Variants in SUMF1 observed in about 807,000 individuals in gnomAD.
SUMF1 encodes the protein sulfatase modifying factor 1.
SUMF1 carries 48 observed loss-of-function variants against 47.6 expected under a neutral mutation model. That is an observed-to-expected ratio of 1.01 (90% confidence interval 0.80 to 1.28). The LOEUF (loss-of-function observed/expected upper bound fraction) is 1.28. Among genes scored for constraint, SUMF1 ranks in the 50% most tolerant of loss-of-function variants. The probability of loss-of-function intolerance (pLI) is 0.00; values close to 1 mark genes in which losing one functional copy is unlikely to be tolerated. For synonymous variants in SUMF1, 230 were observed against 192.1 expected, an observed-to-expected ratio of 1.20 and a Z score of -1.63; for missense variants, 571 against 485.4, an observed-to-expected ratio of 1.18 and a Z score of -1.66.
chr3:4,187,061 C>T (rs1385486), intron 8 of SUMF1, among the ~76,000 whole-genome samples: 51,344 of 151,742 alleles, frequency 0.34, 8,762 homozygotes, highest in East Asian at 0.4. Context: ...CATGTATCTT[C>T]TGAGCTGCCA....
At chr3:4,187,280 G>A (rs746438119) in intron 8 of SUMF1, among the ~76,000 whole-genome samples, 18 of 152,122 alleles carry the variant, frequency 1.2e-4, no homozygotes, top group Non-Finnish European at 2.2e-4. Context: ...AAGGTGGGAG[G>A]ACTGCTTGAG....
intron 8 of SUMF1, among the ~76,000 whole-genome samples, chr3:4,306,237 T>C (rs553552525): frequency 1.3e-5 from 2 of 152,220 alleles, no homozygotes; most frequent in African/African-American, 4.8e-5. Context: ...TGTAAAACTA[T>C]GTGCCCGACG....
At chr3:4,084,102 A>C (rs529896490) in intron 8 of SUMF1, among the ~76,000 whole-genome samples, 1 of 152,222 alleles carries the variant, frequency 6.6e-6, no homozygotes, top group African/African-American at 2.4e-5. Context: ...AGTAATAATG[A>C]ATTTGCTGGT....
intron 8 of SUMF1, among the ~76,000 whole-genome samples, chr3:4,106,314 T>C (rs1039651108): frequency 7.2e-5 from 11 of 152,140 alleles, no homozygotes; most frequent in African/African-American, 2.4e-4. Flanking sequence ...TATCCGTTTG[T>C]AGTGATATTT....
At position 4,457,388 on chromosome 3, in the gene SUMF1, GAAA is replaced by G. The variant is rs377679931; in HGVS notation, c.271-4342_271-4340del. ...TCTAATGTCATTTTTCAAGGAAATA[GAAA>G]AAAAAATCCTAAAATTTGTACAGCA... is the stretch of plus-strand genomic sequence containing the variant. On this transcript the variant is annotated intron_variant, in intron 1 of 8. Coordinates refer to ENST00000272902, the MANE Select transcript of SUMF1 (RefSeq NM_182760.4). Among the ~76,000 whole-genome samples, 930 of 150,624 alleles carry G rather than the reference GAAA, an allele frequency of 6.2e-3. 7 individuals are homozygous for G. Among genetic ancestry groups the G allele is most frequent in the African/African-American group, 0.022 (894 of 41,052 alleles).
intron 8 of SUMF1, among the ~76,000 whole-genome samples, chr3:4,236,198 A>T (rs1696405534): frequency 6.6e-6 from 1 of 152,104 alleles, no homozygotes; most frequent in African/African-American, 2.4e-5. Flanking sequence ...GATAGTAAAA[A>T]TTCAGTTTAA....
rs183382146 is a variant in SUMF1, at chr3:4,147,707, C to T, written c.1015-78962G>A. On this transcript the variant is annotated intron_variant and NMD_transcript_variant, in intron 8 of 12. Transcript: ENST00000448413. ...ACTTATTGTACAGAACCAGATGCTT[C>T]CTTATAACAGTCATGATACAGGATG... Among the ~76,000 whole-genome samples the T allele has an allele frequency of 3.4e-4, 51 of 152,216 alleles. 1 individual carries two copies. Among genetic ancestry groups the T allele is most frequent in the Middle Eastern group, 3.4e-3 (1 of 294 alleles).
chr3:4,220,131 A>T (rs189475144), intron 8 of SUMF1, among the ~76,000 whole-genome samples: 1 of 152,250 alleles, frequency 6.6e-6, no homozygotes, highest in East Asian at 1.9e-4. Flanking sequence ...TTTTCTACAA[A>T]AATTTCACTT....
chr3:4,342,327 G>C (rs1348511085), intron 8 of SUMF1, among the ~76,000 whole-genome samples: 1 of 152,196 alleles, frequency 6.6e-6, no homozygotes, highest in African/African-American at 2.4e-5. Context: ...GAGGTCAGGA[G>C]TTCGAGACCA....
At chr3:4,338,975 G>A (rs1391793945) in intron 8 of SUMF1, among the ~76,000 whole-genome samples, 1 of 152,128 alleles carries the variant, frequency 6.6e-6, no homozygotes, top group Non-Finnish European at 1.5e-5. Context: ...AATGGGTATT[G>A]CTGACTGAGC....
At chr3:4,205,773 C>A (rs187282351) in intron 8 of SUMF1, among the ~76,000 whole-genome samples, 1,709 of 152,198 alleles carry the variant, frequency 0.011, 17 homozygotes, top group Middle Eastern at 0.028. Flanking sequence ...CTTACTTTCT[C>A]CCACAGAGTC....
chr3:4,365,064 C>T (rs1699904370), intron 8 of SUMF1, among the ~76,000 whole-genome samples: 3 of 151,622 alleles, frequency 2.0e-5, no homozygotes, highest in Non-Finnish European at 4.4e-5. Context: ...AGTTTGATTG[C>T]ACTGTGGTCT....
chr3:4,367,176 A>G (rs1399265114), intron 8 of SUMF1, among the ~76,000 whole-genome samples: 2 of 151,930 alleles, frequency 1.3e-5, no homozygotes, highest in Non-Finnish European at 2.9e-5. Context: ...GGGGTCAGGG[A>G]CCCACTTGAG....
At chr3:4,270,947 C>T (rs1220256121) in intron 8 of SUMF1, among the ~76,000 whole-genome samples, 1 of 152,194 alleles carries the variant, frequency 6.6e-6, no homozygotes, top group Non-Finnish European at 1.5e-5. Flanking sequence ...TTAGCTCTGA[C>T]TGCAGTATGC....
At chr3:4,094,357 A>G (rs1163542847) in intron 8 of SUMF1, among the ~76,000 whole-genome samples, 1 of 152,064 alleles carries the variant, frequency 6.6e-6, no homozygotes, top group Non-Finnish European at 1.5e-5. Flanking sequence ...TGCCCTCATG[A>G]ACTTAGAGCT....
At chr3:4,280,908 G>C (rs977019759) in intron 8 of SUMF1, among the ~76,000 whole-genome samples, 2 of 151,018 alleles carry the variant, frequency 1.3e-5, no homozygotes, top group Non-Finnish European at 2.9e-5. Flanking sequence ...TAAGGGCACA[G>C]TCATGTTGGA....
chr3:4,307,220 C>G (rs150963310), intron 8 of SUMF1, among the ~76,000 whole-genome samples: 121 of 152,320 alleles, frequency 7.9e-4, no homozygotes, highest in Admixed American at 6.5e-3. Flanking sequence ...TCTGGGTCTT[C>G]AGTACGGAAT....
intron 8 of SUMF1, among the ~76,000 whole-genome samples, chr3:4,204,954 A>G (rs896425401): frequency 6.6e-6 from 1 of 152,070 alleles, no homozygotes; most frequent in African/African-American, 2.4e-5. Flanking sequence ...GAAAGGTCAC[A>G]TATCTCTGTC....
chr3:4,134,507 G>C (rs898520794), intron 8 of SUMF1, among the ~76,000 whole-genome samples: 1 of 152,068 alleles, frequency 6.6e-6, no homozygotes. Context: ...ATGCCCACAA[G>C]AGAAAGCAGG....
Sources: gnomAD v4.1 joint callset for allele counts (sites outside exome capture counted in the v4.1 genomes callset) on GRCh38, gnomAD v4.1.1 for gene constraint, MANE v1.5 for transcripts, NCBI Gene and HGNC (gene_info 2026-07-23, HGNC 2026-07-21) for gene names.